The following ATG5 variants were observed in gnomAD, a reference collection of about 807,000 sequenced individuals.
ATG5 encodes the protein autophagy protein 5.
Under a neutral mutation model 36.5 loss-of-function variants are expected in ATG5, and 14 were observed. The observed-to-expected ratio is 0.38, with a 90% CI of 0.25 to 0.60. The LOEUF (loss-of-function observed/expected upper bound fraction) is 0.60. ATG5 is among the 20% of genes least tolerant of loss of function. The pLI is 0.60. For synonymous variants in ATG5, 95 were observed against 101.5 expected (o/e 0.94, Z 0.38); for missense variants, 195 against 326.7 (o/e 0.60, Z 3.11).
At chr6:106,216,071 T>A (rs886544500) in intron 6 of ATG5, among the ~76,000 whole-genome samples, 1 of 152,196 alleles carries the variant, frequency 6.6e-6, no homozygotes, top group African/African-American at 2.4e-5. Context: ...CCACTAAGAC[T>A]GCTGTAATTA....
chr6:106,219,887 G>A (rs1379369382), intron 6 of ATG5, among the ~76,000 whole-genome samples: 1 of 152,082 alleles, frequency 6.6e-6, no homozygotes, highest in African/African-American at 2.4e-5. Flanking sequence ...GTTTCCAAAT[G>A]TGTATCCAAT....
chr6:106,207,877 A>G (rs1776699388), intron 6 of ATG5, among the ~76,000 whole-genome samples: 1 of 152,142 alleles, frequency 6.6e-6, no homozygotes, highest in African/African-American at 2.4e-5. Flanking sequence ...GAGGATCACG[A>G]GGTCGGGAGT....
chr6:106,196,159 A>G (rs913915898), intron 7 of ATG5, among the ~76,000 whole-genome samples: 1 of 152,334 alleles, frequency 6.6e-6, no homozygotes, highest in East Asian at 1.9e-4. Flanking sequence ...TAAAAACAGT[A>G]GACACTCAGG....
At chr6:106,245,380 A>G (rs2114505282) in intron 6 of ATG5, among the ~76,000 whole-genome samples, 1 of 152,348 alleles carries the variant, frequency 6.6e-6, no homozygotes, top group East Asian at 1.9e-4. Flanking sequence ...ACTTTTCATG[A>G]TAATTATGTT....
At chr6:106,292,923 T>C (rs1780372407) in intron 4 of ATG5, 105 bp downstream of exon 4, 3 of 865,490 alleles carry the variant, frequency 3.5e-6, no homozygotes, top group South Asian at 1.7e-5. Context: ...TAAAACAGTG[T>C]CAGGGGAAAA....
At chr6:106,287,102 C>T (rs1213033838) in intron 4 of ATG5, among the ~76,000 whole-genome samples, 1 of 152,166 alleles carries the variant, frequency 6.6e-6, no homozygotes, top group Non-Finnish European at 1.5e-5. Context: ...CAGCTACCAA[C>T]ATTTATAGCT....
At chr6:106,303,995 A>AGAAATAAAAG (rs910727047) in intron 3 of ATG5, among the ~76,000 whole-genome samples, 1 of 151,768 alleles carries the variant, frequency 6.6e-6, no homozygotes, top group Non-Finnish European at 1.5e-5. Context: ...AAAGAAGAAA[A>AGAAATAAAAG]GAAATAAAAG....
At chr6:106,187,500 A>G (rs1775820432) in intron 7 of ATG5, among the ~76,000 whole-genome samples, 1 of 152,096 alleles carries the variant, frequency 6.6e-6, no homozygotes, top group South Asian at 2.1e-4. Flanking sequence ...CTAATGAAAA[A>G]GAAAAAAAAA....
intron 1 of ATG5, among the ~76,000 whole-genome samples, chr6:106,323,853 T>C (rs976175414): frequency 2.6e-5 from 4 of 152,220 alleles, no homozygotes; most frequent in Admixed American, 6.5e-5. Context: ...AATTCCCACA[T>C]GCTCCTAAAT....
At chr6:106,288,784 T>C (rs1010058136) in intron 4 of ATG5, among the ~76,000 whole-genome samples, 2 of 152,214 alleles carry the variant, frequency 1.3e-5, no homozygotes, top group South Asian at 2.1e-4. Flanking sequence ...AAAATCACTA[T>C]TGTAGACATT....
At chr6:106,245,333 T>C (rs1778286373) in intron 6 of ATG5, among the ~76,000 whole-genome samples, 1 of 152,230 alleles carries the variant, frequency 6.6e-6, no homozygotes, top group Non-Finnish European at 1.5e-5. Context: ...ACAGGTATTC[T>C]AGGCTCCTAT....
chr6:106,301,473 G>C (rs938545544), intron 3 of ATG5, among the ~76,000 whole-genome samples: 1 of 151,868 alleles, frequency 6.6e-6, no homozygotes, highest in East Asian at 1.9e-4. Context: ...CAAAATCTGG[G>C]TCCTAACTTA....
chr6:106,225,222 G>T (rs1481288219), intron 6 of ATG5, among the ~76,000 whole-genome samples: 1 of 152,180 alleles, frequency 6.6e-6, no homozygotes, highest in Non-Finnish European at 1.5e-5. Flanking sequence ...TAGTTACCTG[G>T]AATATAAACT....
intron 5 of ATG5, among the ~76,000 whole-genome samples, chr6:106,276,134 A>G (rs1047270895): frequency 2.6e-5 from 4 of 152,218 alleles, no homozygotes; most frequent in African/African-American, 4.8e-5. Context: ...ACAGATATCA[A>G]TGAAGCAAAC....
chr6:106,264,643 T>G (rs915531481), intron 5 of ATG5, among the ~76,000 whole-genome samples: 2 of 152,184 alleles, frequency 1.3e-5, no homozygotes, highest in Non-Finnish European at 2.9e-5. Context: ...AGCGGATCTC[T>G]CTGCAGAAAC....
intron 5 of ATG5, among the ~76,000 whole-genome samples, chr6:106,253,509 C>T (rs1054012463): frequency 6.6e-6 from 1 of 152,178 alleles, no homozygotes; most frequent in Non-Finnish European, 1.5e-5. Context: ...AAGACATTTA[C>T]TCCTTTACCC....
At chr6:106,295,448 AT>A (rs1769882058) in intron 3 of ATG5, among the ~76,000 whole-genome samples, 2 of 152,238 alleles carry the variant, frequency 1.3e-5, no homozygotes, top group Non-Finnish European at 2.9e-5. Flanking sequence ...ATTACTAGCA[AT>A]CCAGTGTTTT....
chr6:106,306,970 G>GA (rs1201822476), intron 3 of ATG5, among the ~76,000 whole-genome samples: 1 of 152,154 alleles, frequency 6.6e-6, no homozygotes, highest in African/African-American at 2.4e-5. Context: ...TTGATTTAAA[G>GA]AAAGAATGCT....
intron 3 of ATG5, among the ~76,000 whole-genome samples, chr6:106,299,043 C>A (rs1770099205): frequency 6.6e-6 from 1 of 152,148 alleles, no homozygotes; most frequent in Non-Finnish European, 1.5e-5. Flanking sequence ...TAACCATTGG[C>A]TATTATGTTG....
Sources: gnomAD v4.1 joint callset for allele counts (sites outside exome capture counted in the v4.1 genomes callset) on GRCh38, gnomAD v4.1.1 for gene constraint, MANE v1.5 for transcripts, NCBI Gene and HGNC (gene_info 2026-07-23, HGNC 2026-07-21) for gene names.